ADAMTS3: variants seen among roughly 807,000 people sequenced by gnomAD.
The protein encoded by ADAMTS3 is ADAM metallopeptidase with thrombospondin type 1 motif 3.
ADAMTS3 carries 73 observed loss-of-function variants against 129.0 expected under a neutral mutation model. That is an observed-to-expected ratio of 0.57 (90% CI 0.47 to 0.69). The LOEUF is 0.69. Ranked by LOEUF, ADAMTS3 falls within the 30% of genes least tolerant of loss-of-function variation. ADAMTS3 has a pLI of 0.00. For synonymous variants in ADAMTS3, 477 were observed against 510.8 expected (o/e 0.93, Z 0.89); for missense variants, 1,457 against 1,514.5 (o/e 0.96, Z 0.63).
intron 4 of ADAMTS3, among the ~76,000 whole-genome samples, chr4:72,341,829 A>C (rs994632988): frequency 6.6e-6 from 1 of 152,224 alleles, no homozygotes; most frequent in African/African-American, 2.4e-5. Flanking sequence ...GGAAAGAAGA[A>C]GGAAGCCTTT....
chr4:72,568,815 A>ACCCCCCCCCCCCCCC lies in ADAMTS3; in HGVS notation c.-54_-53insGGGGGGGGGGGGGGG, dbSNP rs772206043. ...TGGGCAAAGCAAATGCCCAGAGCAA[A>ACCCCCCCCCCCCCCC]CCCACCCCCCCCGCCCAAAATAAGT... On this transcript the variant is annotated 5_prime_UTR_variant, in exon 1 of 22. Transcript: ENST00000286657. 8.7e-7 allele frequency: 1 copy of ACCCCCCCCCCCCCCC among 1,146,440 alleles called. No homozygotes were observed. The highest frequency in any genetic ancestry group is 1.2e-6 in the Non-Finnish European group (1 of 847,864). The allele number at this position is 1,146,440 out of a possible 1,614,324, so 71.0% of individuals were successfully genotyped here. A position where few individuals can be genotyped will look rare whatever the true frequency, so the allele number is the denominator to read the frequency against.
chr4:72,347,349 G>A (rs1720315658), intron 4 of ADAMTS3, among the ~76,000 whole-genome samples: 1 of 151,080 alleles, frequency 6.6e-6, no homozygotes, highest in Admixed American at 6.6e-5. Context: ...GAAGCTAAGA[G>A]CAGCCTGATA....
At chr4:72,286,933 G>C (rs540349841) in intron 21 of ADAMTS3, among the ~76,000 whole-genome samples, 2 of 152,024 alleles carry the variant, frequency 1.3e-5, no homozygotes, top group African/African-American at 4.8e-5. Flanking sequence ...AGGAGTAAAA[G>C]ATGGAGGAGT....
rs552635033 is a variant in ADAMTS3, at chr4:72,404,112, TCTATGCAATCC to T, written c.661+10692_661+10702del. Among the ~76,000 whole-genome samples the T allele has an allele frequency of 2.6e-5, 4 of 152,224 alleles. No individual in the cohort carries two copies. In the East Asian group the frequency reaches 7.7e-4, roughly 29 times the overall value. On this transcript the variant is annotated intron_variant, in intron 4 of 21. Transcript: ENST00000286657. ...AAAATACCCAATATGACCTACAGAT[TCTATGCAATCC>T]CTATTAAGATGCCAGTGGCATTTTT... is the stretch of plus-strand genomic sequence containing the variant.
chr4:72,333,699 A>T (rs538276834), intron 5 of ADAMTS3, among the ~76,000 whole-genome samples: 5 of 152,202 alleles, frequency 3.3e-5, no homozygotes, highest in African/African-American at 1.2e-4. Flanking sequence ...TACACACTAA[A>T]TTTGAGCCAC....
chr4:72,378,485 C>T (rs1279020722), intron 4 of ADAMTS3, among the ~76,000 whole-genome samples: 4 of 152,186 alleles, frequency 2.6e-5, no homozygotes, highest in African/African-American at 7.2e-5. Context: ...CAGAAACTTC[C>T]GTTTCTGAGT....
chr4:72,439,266 G>C (rs1184524090), intron 3 of ADAMTS3, among the ~76,000 whole-genome samples: 1 of 151,632 alleles, frequency 6.6e-6, no homozygotes, highest in African/African-American at 2.4e-5. Context: ...TACTTTTACA[G>C]TAATTACCTT....
chr4:72,390,111 T>G (rs1721552468), intron 4 of ADAMTS3, among the ~76,000 whole-genome samples: 1 of 152,102 alleles, frequency 6.6e-6, no homozygotes. Flanking sequence ...TTTTCAAATC[T>G]CAAGTGTACT....
intron 4 of ADAMTS3, among the ~76,000 whole-genome samples, chr4:72,400,345 A>T (rs1300617880): frequency 1.4e-5 from 2 of 144,388 alleles, no homozygotes; most frequent in African/African-American, 2.7e-5. Context: ...CACGGTGTGT[A>T]TATATACGTG....
At chr4:72,307,334 A>G (rs1209774425) in intron 15 of ADAMTS3, among the ~76,000 whole-genome samples, 1 of 152,078 alleles carries the variant, frequency 6.6e-6, no homozygotes, top group Non-Finnish European at 1.5e-5. Context: ...TAAAAGGAAC[A>G]TGCTTAAGAT....
intron 4 of ADAMTS3, among the ~76,000 whole-genome samples, chr4:72,372,292 C>T (rs1355876959): frequency 2.0e-5 from 3 of 151,758 alleles, no homozygotes; most frequent in Non-Finnish European, 4.4e-5. Context: ...TCAGTGCTGG[C>T]AAAAATTGAA....
chr4:72,521,012 T>C (rs1720658330), intron 3 of ADAMTS3, among the ~76,000 whole-genome samples: 2 of 151,906 alleles, frequency 1.3e-5, no homozygotes, highest in South Asian at 4.2e-4. Flanking sequence ...TCTTTTTTTT[T>C]TTTGAGACAG....
chr4:72,393,957 A>T, intron 4 of ADAMTS3, among the ~76,000 whole-genome samples: 1 of 152,178 alleles, frequency 6.6e-6, no homozygotes, highest in Non-Finnish European at 1.5e-5. Context: ...TTAAAAGTAA[A>T]CTGTCTAAAC....
intron 3 of ADAMTS3, among the ~76,000 whole-genome samples, chr4:72,463,258 C>A (rs896441481): frequency 6.6e-6 from 1 of 151,968 alleles, no homozygotes; most frequent in African/African-American, 2.4e-5. Context: ...AAGTACACTG[C>A]ATGATGTTCA....
chr4:72,338,600 G>C (rs1720047681), intron 5 of ADAMTS3, among the ~76,000 whole-genome samples: 1 of 151,808 alleles, frequency 6.6e-6, no homozygotes, highest in African/African-American at 2.4e-5. Context: ...GGGGGAAAGA[G>C]GTAAACTATA....
chr4:72,485,460 T>C (rs11937958), intron 3 of ADAMTS3, among the ~76,000 whole-genome samples: 131,103 of 152,056 alleles, frequency 0.86, 58,297 homozygotes, highest in East Asian at 1. Context: ...TAGCTACGTT[T>C]CCTGCATTAT....
At chr4:72,366,768 C>A (rs1030432451) in intron 4 of ADAMTS3, among the ~76,000 whole-genome samples, 5 of 151,096 alleles carry the variant, frequency 3.3e-5, no homozygotes, top group Non-Finnish European at 7.4e-5. Flanking sequence ...ATTTTAGTGT[C>A]CCAAGCTTTT....
At chr4:72,537,470 A>G (rs1229814667) in intron 3 of ADAMTS3, among the ~76,000 whole-genome samples, 4 of 152,188 alleles carry the variant, frequency 2.6e-5, no homozygotes, top group African/African-American at 9.7e-5. Context: ...GTCAAAAGCA[A>G]CTACATATAC....
intron 3 of ADAMTS3, among the ~76,000 whole-genome samples, chr4:72,513,714 T>C (rs1720375853): frequency 6.6e-6 from 1 of 152,172 alleles, no homozygotes; most frequent in Non-Finnish European, 1.5e-5. Flanking sequence ...TATTCTTTTC[T>C]TTTTTCCTGC....
Sources: allele counts gnomAD v4.1 joint callset (sites outside exome capture counted in the v4.1 genomes callset), GRCh38; gene constraint gnomAD v4.1.1; transcripts MANE v1.5; gene names NCBI Gene and HGNC (gene_info 2026-07-23, HGNC 2026-07-21).